HTR3B: variants seen among roughly 807,000 people sequenced by gnomAD.
The protein encoded by HTR3B is 5-hydroxytryptamine (serotonin) receptor 3B, ionotropic.
HTR3B carries 44 observed loss-of-function variants against 42.8 expected under a neutral mutation model. That is an observed-to-expected ratio of 1.03 (90% CI 0.81 to 1.32). HTR3B has a LOEUF of 1.32. HTR3B is among the 40% of genes most tolerant of loss of function. The pLI is 0.00. For missense variants in HTR3B, 527 were observed against 536.5 expected (o/e 0.98, Z 0.17); for synonymous variants, 203 against 209.0 (o/e 0.97, Z 0.25).
upstream of HTR3B, among the ~76,000 whole-genome samples, chr11:113,902,923 C>T (rs1404000686): frequency 6.6e-6 from 1 of 152,108 alleles, no homozygotes; most frequent in African/African-American, 2.4e-5. Flanking sequence ...GGCTGGAGTG[C>T]AGTGGCACAA....
chr11:113,924,750 C>T (rs929365792), intron 2 of HTR3B, among the ~76,000 whole-genome samples: 2 of 151,630 alleles, frequency 1.3e-5, no homozygotes, highest in African/African-American at 4.8e-5. Flanking sequence ...CCCTGTGGTC[C>T]ATCTGCTCCA....
intron 3 of HTR3B, among the ~76,000 whole-genome samples, 165 bp downstream of exon 3, chr11:113,931,593 G>A (rs185542112): frequency 1.3e-5 from 2 of 152,272 alleles, no homozygotes; most frequent in Non-Finnish European, 2.9e-5. Context: ...CCTGGTTTCT[G>A]GTTGGGACTA....
chr11:113,901,509 A>G (rs751013413), upstream of HTR3B, among the ~76,000 whole-genome samples: 1 of 152,170 alleles, frequency 6.6e-6, no homozygotes, highest in Non-Finnish European at 1.5e-5. Flanking sequence ...CTAAGATTAG[A>G]AAAAGAAAGA....
intron 1 of HTR3B, among the ~76,000 whole-genome samples, chr11:113,906,382 C>CTGGG (rs753568880): frequency 1.3e-5 from 2 of 152,142 alleles, no homozygotes; most frequent in Non-Finnish European, 2.9e-5. Context: ...ACTCACCAGC[C>CTGGG]ACGTAACCCT....
At chr11:113,935,999 C>T (rs773716287) in intron 6 of HTR3B, among the ~76,000 whole-genome samples, 1 of 152,108 alleles carries the variant, frequency 6.6e-6, no homozygotes, top group South Asian at 2.1e-4. Flanking sequence ...GAGGACACCA[C>T]GGATACTTTG....
chr11:113,941,712 C>T (rs1040226127), intron 6 of HTR3B, among the ~76,000 whole-genome samples: 89 of 152,110 alleles, frequency 5.9e-4, no homozygotes, highest in African/African-American at 2.0e-3. Context: ...GGAGGAGGGC[C>T]GAGACGGGGT....
At chr11:113,921,909 G>A (rs1949919245) in intron 2 of HTR3B, among the ~76,000 whole-genome samples, 1 of 152,036 alleles carries the variant, frequency 6.6e-6, no homozygotes, top group African/African-American at 2.4e-5. Context: ...ATTGAATTTG[G>A]CAAATTTTCT....
At chr11:113,904,316 T>A (rs2137478851), upstream of HTR3B, among the ~76,000 whole-genome samples, 1 of 152,330 alleles carries the variant, frequency 6.6e-6, no homozygotes, top group Non-Finnish European at 1.5e-5. Flanking sequence ...CTCCTATTTA[T>A]CAAAAGTCAA....
At position 113,914,413 on chromosome 11, in the gene HTR3B, G is replaced by A. The variant is rs1362985279; in HGVS notation, c.213+4958G>A. On this transcript the variant is annotated intron_variant, in intron 2 of 8. Coordinates refer to ENST00000260191, the MANE Select transcript of HTR3B (RefSeq NM_006028.5). Reference sequence around the variant, plus strand: ...TGGGAGGCGGAGGTTGCAGTGAGCCGAGATCACGCCATTGCACTCCAGCCT... The same window carrying A: ...TGGGAGGCGGAGGTTGCAGTGAGCCAAGATCACGCCATTGCACTCCAGCCT... Among the ~76,000 whole-genome samples the A allele has an allele frequency of 4.0e-5, 6 of 150,592 alleles. 1 individual carries two copies. The highest frequency in any genetic ancestry group is 1.3e-4 in the Admixed American group (2 of 15,116).
rs1192995930 is a variant in HTR3B, at chr11:113,943,151, C to T, written c.866C>T (p.Ser289Phe). The T allele has an allele frequency of 6.2e-7, 1 of 1,613,974 alleles. No individual in the cohort carries two copies. The highest frequency in any genetic ancestry group is 8.5e-7 in the Non-Finnish European group (1 of 1,180,018). Residue 289 changes from serine to phenylalanine, a missense_variant, in exon 7 of 9, where the codon TCC (serine) becomes TTC (phenylalanine). Physicochemically the swap from Ser to Phe is radical, Grantham distance 155. Coordinates refer to ENST00000260191, the MANE Select transcript of HTR3B (RefSeq NM_006028.5). ...VGYTVFRVNM[S>F]NQVPRSVGST... The stretch of plus-strand genomic sequence containing the variant: ...TACACCGTCTTCAGGGTCAACATGT[C>T]CAACCAGGTGCCACGGAGTGTAGGG...
At chr11:113,914,023 C>T (rs1949826300) in intron 2 of HTR3B, among the ~76,000 whole-genome samples, 1 of 151,746 alleles carries the variant, frequency 6.6e-6, no homozygotes, top group South Asian at 2.1e-4. Flanking sequence ...CTTTCCAGAC[C>T]CCAGAGCTGT....
intron 2 of HTR3B, among the ~76,000 whole-genome samples, chr11:113,931,152 G>A (rs1202193302): frequency 2.0e-5 from 3 of 152,108 alleles, no homozygotes; most frequent in Non-Finnish European, 2.9e-5. Context: ...GATGTCAAGG[G>A]CAGGCAAAGT....
At chr11:113,901,714 G>T (rs1273660727), upstream of HTR3B, among the ~76,000 whole-genome samples, 2 of 152,140 alleles carry the variant, frequency 1.3e-5, no homozygotes, top group Non-Finnish European at 2.9e-5. Flanking sequence ...TAATGTACCT[G>T]TATTACACAT....
At position 113,944,754 on chromosome 11, in the gene HTR3B, A is replaced by C. The variant is rs147467492; in HGVS notation, c.1089A>C (p.Thr363=). 4.3e-6 allele frequency: 7 copies of C among 1,612,816 alleles called. No homozygotes were observed. In the African/African-American group the frequency reaches 8.0e-5, roughly 18 times the overall value. Residue 363 remains threonine, a splice_region_variant and synonymous_variant, in exon 8 of 9, where the codon ACA becomes ACC. Coordinates refer to ENST00000260191, the MANE Select transcript of HTR3B (RefSeq NM_006028.5). ...CCAGGGCCCAACGTGCTGTGGTAACAGGTGTGTGAGAAGCCTTGTGTTTCT... is the reference window on the plus strand; with the variant it reads ...CCAGGGCCCAACGTGCTGTGGTAACCGGTGTGTGAGAAGCCTTGTGTTTCT... ...VEPRAQRAVV[T]ESSLYGEHLA...
In HTR3B at chr11:113,948,511, C is replaced by T. The variant is rs1950195586; in HGVS notation, c.*2374C>T. ...TTGAAATTGGGGCTGTTTATATTTG[C>T]TCTACCCCTATCAAAGAGTTATGAG... On this transcript the variant is annotated 3_prime_UTR_variant, in exon 9 of 9. Transcript: ENST00000260191. Among the ~76,000 whole-genome samples, 1 of 152,184 alleles carries T rather than the reference C, an allele frequency of 6.6e-6. No homozygotes were observed. Among genetic ancestry groups the T allele is most frequent in the Admixed American group, 6.5e-5 (1 of 15,288 alleles).
upstream of HTR3B, among the ~76,000 whole-genome samples, chr11:113,901,548 G>A (rs1001127576): frequency 6.6e-6 from 1 of 152,136 alleles, no homozygotes; most frequent in Non-Finnish European, 1.5e-5. Context: ...ACAGAGCAAG[G>A]CTGTCAAGGA....
rs1215816571 is a variant in HTR3B at position 113,926,466 on chromosome 11, T to TC, written c.214-4917dup. Among the ~76,000 whole-genome samples, 1,023 of 146,706 alleles carry TC rather than the reference T, an allele frequency of 7.0e-3. 12 individuals carry two copies. The highest frequency in any genetic ancestry group is 0.02 in the African/African-American group (767 of 38,280). ...AGACTGCTTTTCCTTTCCTTTCCTT[T>TC]CTTTTCCTTTCCTTTCCTTTCCTTT... On this transcript the variant is annotated intron_variant, in intron 2 of 8. Coordinates refer to ENST00000260191, the MANE Select transcript of HTR3B (RefSeq NM_006028.5).
At chr11:113,910,058 C>A (rs1949773098) in intron 2 of HTR3B, among the ~76,000 whole-genome samples, 1 of 148,916 alleles carries the variant, frequency 6.7e-6, no homozygotes. Context: ...TTGCTGAAAC[C>A]AAAAACAGTA....
chr11:113,904,814 A>G lies in HTR3B; in HGVS notation c.-120A>G, dbSNP rs1440675400. ...ACAAAATAGCACCAGTAAGGATAGC[A>G]TCAACTGGCAAACGGAGAAGGAGGA... On this transcript the variant is annotated 5_prime_UTR_variant, in exon 1 of 9. Transcript: ENST00000260191. 4 of 776,456 alleles carry G rather than the reference A, an allele frequency of 5.2e-6. No individual in the cohort carries two copies. Among genetic ancestry groups the G allele is most frequent in the Non-Finnish European group, 9.2e-6 (4 of 436,780 alleles). 48.1% of individuals were successfully genotyped at this position (776,456 alleles called of 1,614,324 possible).
Sources: gnomAD v4.1 joint callset for allele counts (sites outside exome capture counted in the v4.1 genomes callset) on GRCh38, gnomAD v4.1.1 for gene constraint, MANE v1.5 for transcripts, NCBI Gene and HGNC (gene_info 2026-07-23, HGNC 2026-07-21) for gene names.